The following TSC22D4 variants were observed in gnomAD, a reference collection of about 807,000 sequenced individuals.
TSC22D4 encodes the protein TSC22 domain family protein 4.
In TSC22D4, 5 loss-of-function variants were observed where a neutral mutation model predicts 24.9. That is an observed-to-expected ratio of 0.20 (90% CI 0.10 to 0.42). TSC22D4 has a LOEUF of 0.42. Ranked by LOEUF, TSC22D4 falls within the 10% of genes least tolerant of loss-of-function variation. The pLI, the probability that TSC22D4 is intolerant of heterozygous loss-of-function variation, is 1.00. For missense variants in TSC22D4, 469 were observed against 547.9 expected (o/e 0.86, Z 1.44); for synonymous variants, 245 against 243.2 (o/e 1.01, Z -0.07).
intron 3 of TSC22D4, among the ~76,000 whole-genome samples, chr7:100,470,128 C>A (rs912795645): frequency 6.6e-6 from 1 of 152,098 alleles, no homozygotes; most frequent in Non-Finnish European, 1.5e-5. Context: ...TGCCACCACC[C>A]CATTAAACAC....
Position 100,472,791 on chromosome 7 carries a change from C to T in TSC22D4, c.929+1483G>A, listed in dbSNP as rs889105671. Among the ~76,000 whole-genome samples the T allele has an allele frequency of 4.6e-5, 7 of 152,024 alleles. No individual in the cohort carries two copies. In the South Asian group the frequency reaches 1.5e-3, roughly 32 times the overall value. On this transcript the variant is annotated intron_variant, in intron 3 of 4. Transcript: ENST00000300181. ...CCTCCTTTGCCAGGTCCCTATCCTC[C>T]CTGAGGCCGCAGGACCCTATCAGTG...
At position 100,478,193 on chromosome 7, in the gene TSC22D4, CG is replaced by C; in HGVS notation, c.-156del. On this transcript the variant is annotated 5_prime_UTR_variant, in exon 2 of 5. Transcript: ENST00000300181. ...CATGGCAGGAGGGCCTGGCGGGAAC[CG>C]GGGGTGCCTGCTGGGTGAGGGGAGA... The C allele has an allele frequency of 8.9e-6, 1 of 112,584 alleles. No individual in the cohort carries two copies. The highest frequency in any genetic ancestry group is 1.5e-5 in the Non-Finnish European group (1 of 68,478). 7.0% of individuals were successfully genotyped at this position (112,584 alleles called of 1,614,324 possible). A position where few individuals can be genotyped will look rare whatever the true frequency, so the allele number is the denominator to read the frequency against.
chr7:100,472,983 G>A (rs766776701), intron 3 of TSC22D4, among the ~76,000 whole-genome samples: 1 of 151,724 alleles, frequency 6.6e-6, no homozygotes, highest in African/African-American at 2.4e-5. Context: ...AACCTCCCAC[G>A]GGAAGTCCCA....
In TSC22D4 at chr7:100,474,032, TAA is replaced by T. The variant is rs976597444; in HGVS notation, c.929+240_929+241del. 2.0e-4 allele frequency: 97 copies of T among 489,418 alleles called. No homozygotes were observed. Among genetic ancestry groups the T allele is most frequent in the Non-Finnish European group, 3.3e-4 (90 of 269,630 alleles). The allele number at this position is 489,418 out of a possible 1,614,324, so 30.3% of individuals were successfully genotyped here. A position where few individuals can be genotyped will look rare whatever the true frequency, so the allele number is the denominator to read the frequency against. ...GACAACAATGACTCCCTTCAGACTC[TAA>T]AAAAGTCTGTGACCTGACAGTTCTG... On this transcript the variant is annotated intron_variant, in intron 3 of 4. Transcript: ENST00000300181. This position sits in a 1 kb window ranked among gnomAD's most constrained non-coding sequence, Gnocchi z 4.3.
rs1799514116 is a variant in TSC22D4 at position 100,477,200 on chromosome 7, G to GGC, written c.762+76_762+77insGC. Reference sequence around the variant, plus strand: ...GTGATGGAGAAGGAGGAGGAGAGGGGGGGGAGGAGGAGGAAGGAGGCTCAA... The same window carrying GGC: ...GTGATGGAGAAGGAGGAGGAGAGGGGGCGGGGAGGAGGAGGAAGGAGGCTCAA... On this transcript the variant is annotated intron_variant, in intron 2 of 4. Transcript: ENST00000300181. The surrounding 1 kb of genome is among the most constrained non-coding windows in gnomAD (Gnocchi z 7.8). 6 of 1,184,566 alleles carry GGC rather than the reference G, an allele frequency of 5.1e-6. No individual in the cohort carries two copies. The highest frequency in any genetic ancestry group is 6.8e-6 in the Non-Finnish European group (6 of 887,544). 73.4% of individuals were successfully genotyped at this position (1,184,566 alleles called of 1,614,324 possible).
intron 3 of TSC22D4, among the ~76,000 whole-genome samples, chr7:100,469,677 CCAGCCCCCAGCT>C (rs1411691731): frequency 1.3e-5 from 2 of 152,148 alleles, no homozygotes; most frequent in African/African-American, 4.8e-5. Context: ...GTCCTGCCCT[CCAGCCCCCAGCT>C]GGGCCCCCCT....
intron 3 of TSC22D4, among the ~76,000 whole-genome samples, chr7:100,471,637 G>A (rs1475342558): frequency 1.3e-5 from 2 of 152,186 alleles, no homozygotes; most frequent in African/African-American, 2.4e-5. Flanking sequence ...CTACTGGGGA[G>A]GCTGAGCCAG....
Position 100,478,322 on chromosome 7 carries a change from GGAGAGA to G in TSC22D4, c.-269-21_-269-16del, listed in dbSNP as rs1312638659. 2.6e-4 allele frequency: 52 copies of G among 199,936 alleles called. No individual in the cohort carries two copies. The highest frequency in any genetic ancestry group is 1.1e-3 in the South Asian group (20 of 19,018). The allele number at this position is 199,936 out of a possible 1,614,324, so 12.4% of individuals were successfully genotyped here. A position where few individuals can be genotyped will look rare whatever the true frequency, so the allele number is the denominator to read the frequency against. ...GAGTTTGCAAACTGGAAAAAGAGGG[GGAGAGA>G]GAGAGAGAGAGAGAGAGAGAGAGTG... is the stretch of plus-strand genomic sequence containing the variant. On this transcript the variant is annotated splice_polypyrimidine_tract_variant and intron_variant, in intron 1 of 4. Coordinates refer to ENST00000300181, the MANE Select transcript of TSC22D4 (RefSeq NM_030935.5).
At position 100,477,899 on chromosome 7, in the gene TSC22D4, T is replaced by G. The variant is rs1277346593; in HGVS notation, c.140A>C (p.Glu47Ala). 4 of 1,546,678 alleles carry G rather than the reference T, an allele frequency of 2.6e-6. No homozygotes were observed. Among genetic ancestry groups the G allele is most frequent in the Non-Finnish European group, 3.5e-6 (4 of 1,147,092 alleles). The change falls in exon 2 of 5, where the codon GAG (glutamate) becomes GCG (alanine). Residue 47 changes from glutamate (E) to alanine (A), a missense_variant. By Grantham distance (107) the Glu-to-Ala change is moderately radical. Coordinates refer to ENST00000300181, the MANE Select transcript of TSC22D4 (RefSeq NM_030935.5). This position sits in a 1 kb window ranked among gnomAD's most constrained non-coding sequence, Gnocchi z 7.8. Reference sequence around the variant, plus strand: ...CTTGCCCCCCGGATCGGGGCTGGGCTCCCCATTGGGCAGGCGGGGCGGGGG... The same window carrying G: ...CTTGCCCCCCGGATCGGGGCTGGGCGCCCCATTGGGCAGGCGGGGCGGGGG... ...TGPPPRLPNG[E>A]PSPDPGGKGT... is the part of the protein sequence containing the mutation.
intron 3 of TSC22D4, among the ~76,000 whole-genome samples, chr7:100,468,662 C>T (rs1166141645): frequency 2.0e-5 from 3 of 152,268 alleles, no homozygotes; most frequent in East Asian, 1.9e-4. Flanking sequence ...AAAGGCCAGG[C>T]GTGGTGGCTC....
chr7:100,476,884 C>T (rs1358718560), intron 2 of TSC22D4, among the ~76,000 whole-genome samples: 1 of 152,136 alleles, frequency 6.6e-6, no homozygotes, highest in African/African-American at 2.4e-5. Context: ...TTTTCCTCCC[C>T]AAATCCTGGC....
Position 100,478,112 on chromosome 7 carries a change from G to C in TSC22D4, c.-74C>G. On this transcript the variant is annotated 5_prime_UTR_variant, in exon 2 of 5. Coordinates refer to ENST00000300181, the MANE Select transcript of TSC22D4 (RefSeq NM_030935.5). Reference sequence around the variant, plus strand: ...CCTTGAAGGGGCTCAGGCACCCCTGGAACAAGGGGGCCACATGGCGGGGAC... The same window carrying C: ...CCTTGAAGGGGCTCAGGCACCCCTGCAACAAGGGGGCCACATGGCGGGGAC... 1.5e-6 allele frequency: 2 copies of C among 1,297,614 alleles called. No homozygotes were observed. The highest frequency in any genetic ancestry group is 2.1e-6 in the Non-Finnish European group (2 of 954,662). 80.4% of individuals were successfully genotyped at this position (1,297,614 alleles called of 1,614,324 possible). A position where few individuals can be genotyped will look rare whatever the true frequency, so the allele number is the denominator to read the frequency against.
In TSC22D4 at chr7:100,477,359, GC is replaced by G. The variant is rs2131054278; in HGVS notation, c.679del (p.Ala227ProfsTer12). 6.3e-7 allele frequency: 1 copy of G among 1,581,888 alleles called. No individual in the cohort carries two copies. Among genetic ancestry groups the G allele is most frequent in the Non-Finnish European group, 8.6e-7 (1 of 1,164,704 alleles). On this transcript the variant is annotated frameshift_variant, in exon 2 of 5. Coordinates refer to ENST00000300181, the MANE Select transcript of TSC22D4 (RefSeq NM_030935.5). LOFTEE classifies it high-confidence loss of function. This position sits in a 1 kb window ranked among gnomAD's most constrained non-coding sequence, Gnocchi z 7.8. ...CCTCCGGGACAGTGGAGGGGTCCTG[GC>G]CCCTGAGCCCCCAGCCTCCGCTTCC... ...RVEAEAGGSG[A>X]RTPPLSRRKA...
chr7:100,466,911 G>C lies in TSC22D4; in HGVS notation c.*48C>G. 1 of 1,473,728 alleles carries C rather than the reference G, an allele frequency of 6.8e-7. No individual in the cohort carries two copies. Among genetic ancestry groups the C allele is most frequent in the Non-Finnish European group, 9.1e-7 (1 of 1,104,836 alleles). 91.3% of individuals were successfully genotyped at this position (1,473,728 alleles called of 1,614,324 possible). On this transcript the variant is annotated 3_prime_UTR_variant, in exon 5 of 5. Coordinates refer to ENST00000300181, the MANE Select transcript of TSC22D4 (RefSeq NM_030935.5). ...GCATAGGAAGAGGGGGCAGGCGGCTGACGCAAGGCCGGGCAGCCCCAAAGG... is the reference window on the plus strand; with the variant it reads ...GCATAGGAAGAGGGGGCAGGCGGCTCACGCAAGGCCGGGCAGCCCCAAAGG...
intron 1 of TSC22D4, 43 bp from the exon 2 acceptor site, chr7:100,478,350 A>AGAGAGAGAGTGAGTGT (rs1228276528): frequency 1.2e-5 from 1 of 82,804 alleles, no homozygotes; most frequent in African/African-American, 7.5e-5. Context: ...AGAGAGAGAG[A>AGAGAGAGAGTGAGTGT]GTGTGTGTGT....
intron 3 of TSC22D4, 88 bp from the exon 4 acceptor site, chr7:100,467,688 C>G: frequency 1.6e-6 from 2 of 1,259,380 alleles, no homozygotes; most frequent in Non-Finnish European, 2.3e-6. Flanking sequence ...CCCACACCCC[C>G]CTGTACCTGT....
Position 100,474,240 on chromosome 7 carries a change from C to A in TSC22D4, c.929+34G>T. ...CCGGGTGCTGGGCGGGGAACCTGAA[C>A]CCCACGCCCCACCACCCCACGAAGC... is the stretch of plus-strand genomic sequence containing the variant. On this transcript the variant is annotated intron_variant, in intron 3 of 4. Transcript: ENST00000300181. This position sits in a 1 kb window ranked among gnomAD's most constrained non-coding sequence, Gnocchi z 4.3. 1 of 1,607,888 alleles carries A rather than the reference C, an allele frequency of 6.2e-7. No homozygotes were observed. Among genetic ancestry groups the A allele is most frequent in the South Asian group, 1.1e-5 (1 of 90,928 alleles).
Position 100,466,654 on chromosome 7 carries a change from G to A in TSC22D4, c.*305C>T, listed in dbSNP as rs914265482. The A allele has an allele frequency of 2.7e-5, 11 of 414,288 alleles. No homozygotes were observed. The highest frequency in any genetic ancestry group is 2.0e-4 in the African/African-American group (10 of 49,226). 25.7% of individuals were successfully genotyped at this position (414,288 alleles called of 1,614,324 possible). A position where few individuals can be genotyped will look rare whatever the true frequency, so the allele number is the denominator to read the frequency against. The stretch of plus-strand genomic sequence containing the variant: ...ACCTCAAGGGAACAAGATGGGGGTG[G>A]GGTGTCTGCCGGGGAGCCTCCGACT... On this transcript the variant is annotated 3_prime_UTR_variant, in exon 5 of 5. Coordinates refer to ENST00000300181, the MANE Select transcript of TSC22D4 (RefSeq NM_030935.5).
chr7:100,470,661 C>A (rs1364045455), intron 3 of TSC22D4, among the ~76,000 whole-genome samples: 1 of 152,084 alleles, frequency 6.6e-6, no homozygotes, highest in African/African-American at 2.4e-5. Context: ...GCAATGCAGG[C>A]CCTTCCCTTT....
Sources: gnomAD v4.1 joint callset for allele counts (sites outside exome capture counted in the v4.1 genomes callset) on GRCh38, gnomAD v4.1.1 for gene constraint, Gnocchi (gnomAD v3.1) non-coding constraint, MANE v1.5 for transcripts, NCBI Gene and HGNC (gene_info 2026-07-23, HGNC 2026-07-21) for gene names.